The following TMEM135 variants were observed in gnomAD, a reference collection of about 807,000 sequenced individuals.
TMEM135 encodes the protein peroxisomal membrane protein 52.
TMEM135 carries 30 observed loss-of-function variants against 60.3 expected under a neutral mutation model. The ratio of observed to expected loss-of-function variants is 0.50; its 90% CI spans 0.37 to 0.68. The LOEUF is 0.68. Ranked by LOEUF, TMEM135 falls within the 30% of genes least tolerant of loss-of-function variation. TMEM135 has a pLI of 0.00. For missense variants in TMEM135, 468 were observed against 548.8 expected (o/e 0.85, Z 1.47); for synonymous variants, 190 against 186.7 (o/e 1.02, Z -0.14).
intron 6 of TMEM135, among the ~76,000 whole-genome samples, chr11:87,237,517 T>C (rs746253495): frequency 2.0e-5 from 3 of 152,014 alleles, no homozygotes; most frequent in Non-Finnish European, 4.4e-5. Flanking sequence ...ATATATTTGG[T>C]AGATATATTT....
At chr11:87,209,316 G>T (rs1940308603) in intron 5 of TMEM135, among the ~76,000 whole-genome samples, 1 of 152,156 alleles carries the variant, frequency 6.6e-6, no homozygotes, top group African/African-American at 2.4e-5. Context: ...CATATCACAA[G>T]TAATGACAGC....
chr11:87,189,933 G>T (rs537137), intron 5 of TMEM135, among the ~76,000 whole-genome samples: 19,656 of 151,746 alleles, frequency 0.13, 1,337 homozygotes, highest in Non-Finnish European at 0.15. Context: ...ATGAATGAAT[G>T]AATGAATAAA....
intron 3 of TMEM135, among the ~76,000 whole-genome samples, chr11:87,089,700 T>C (rs1406832854): frequency 6.6e-6 from 1 of 152,218 alleles, no homozygotes; most frequent in Non-Finnish European, 1.5e-5. Context: ...AACTTTTCTT[T>C]CTTCAGTGTA....
intron 4 of TMEM135, among the ~76,000 whole-genome samples, chr11:87,152,021 C>G (rs183830804): frequency 6.6e-6 from 1 of 152,162 alleles, no homozygotes; most frequent in Non-Finnish European, 1.5e-5. Flanking sequence ...CCTTTTTAGA[C>G]TGCTTTGCAG....
intron 6 of TMEM135, among the ~76,000 whole-genome samples, chr11:87,287,176 A>T (rs1042568338): frequency 3.9e-5 from 6 of 152,216 alleles, no homozygotes; most frequent in Non-Finnish European, 5.9e-5. Flanking sequence ...TTAGAGCTGA[A>T]CTCATGAAGT....
chr11:87,170,288 C>A (rs1020048301), intron 5 of TMEM135, among the ~76,000 whole-genome samples: 1 of 151,394 alleles, frequency 6.6e-6, no homozygotes, highest in African/African-American at 2.4e-5. Context: ...CTATTTCTGT[C>A]ATTCCTCAAA....
chr11:87,208,600 A>G (rs1416888513), intron 5 of TMEM135, among the ~76,000 whole-genome samples: 1 of 152,244 alleles, frequency 6.6e-6, no homozygotes, highest in African/African-American at 2.4e-5. Flanking sequence ...CATTCCAAAA[A>G]GAGAAGTAGA....
At chr11:87,256,703 C>G (rs1941534443) in intron 6 of TMEM135, among the ~76,000 whole-genome samples, 2 of 152,070 alleles carry the variant, frequency 1.3e-5, no homozygotes. Context: ...GAAAAATGAG[C>G]AAATATGATT....
At chr11:87,200,463 A>T (rs941953133) in intron 5 of TMEM135, among the ~76,000 whole-genome samples, 1 of 152,138 alleles carries the variant, frequency 6.6e-6, no homozygotes. Context: ...TTAGGTACAC[A>T]GCAAAATTAG....
chr11:87,082,312 C>T (rs1857008366), intron 3 of TMEM135, among the ~76,000 whole-genome samples: 1 of 152,082 alleles, frequency 6.6e-6, no homozygotes, highest in South Asian at 2.1e-4. Context: ...AAAAAGTATT[C>T]TTGACTTACC....
intron 5 of TMEM135, among the ~76,000 whole-genome samples, chr11:87,236,060 C>G (rs1408241574): frequency 6.6e-6 from 1 of 151,896 alleles, no homozygotes; most frequent in Non-Finnish European, 1.5e-5. Flanking sequence ...ACTGATTATA[C>G]AAAAGCTGTT....
intron 3 of TMEM135, among the ~76,000 whole-genome samples, chr11:87,078,822 A>T (rs2135151522): frequency 6.6e-6 from 1 of 150,704 alleles, no homozygotes; most frequent in African/African-American, 2.4e-5. Flanking sequence ...GGGTTTTGCC[A>T]TGTTGTCCAG....
At chr11:87,069,002 C>G (rs11820668) in intron 2 of TMEM135, among the ~76,000 whole-genome samples, 14,903 of 151,510 alleles carry the variant, frequency 0.098, 824 homozygotes, top group East Asian at 0.17. Context: ...ATCATGTGCT[C>G]TCTAGAAAGT....
At chr11:87,160,815 G>T (rs1197300564) in intron 5 of TMEM135, among the ~76,000 whole-genome samples, 1 of 152,126 alleles carries the variant, frequency 6.6e-6, no homozygotes, top group Non-Finnish European at 1.5e-5. Flanking sequence ...CTATGGTGAT[G>T]TTCTTTATAA....
chr11:87,192,561 G>A (rs1371410443), intron 5 of TMEM135, among the ~76,000 whole-genome samples: 2 of 152,102 alleles, frequency 1.3e-5, no homozygotes, highest in Non-Finnish European at 2.9e-5. Context: ...GTAAATATGA[G>A]TGAATGTAAG....
Position 87,169,456 on chromosome 11 carries a change from T to C in TMEM135, c.462+12050T>C, listed in dbSNP as rs193141616. ...GGCTGGTACTGGTTTTTCCTTTCGA[T>C]ATTTAGTGCTTCCTTCAGGAGCTCT... On this transcript the variant is annotated intron_variant, in intron 5 of 14. Transcript: ENST00000305494. Among the ~76,000 whole-genome samples, 141 of 152,052 alleles carry C rather than the reference T, an allele frequency of 9.3e-4. 4 individuals carry two copies. The East Asian group carries it at 0.019, about 21-fold the overall frequency.
chr11:87,062,060 C>T (rs565037783), intron 1 of TMEM135, among the ~76,000 whole-genome samples: 10 of 152,150 alleles, frequency 6.6e-5, no homozygotes, highest in East Asian at 1.9e-4. Flanking sequence ...GGCTGGAGTA[C>T]GGTGGCACAA....
intron 4 of TMEM135, among the ~76,000 whole-genome samples, chr11:87,148,949 A>G (rs547564939): frequency 6.6e-6 from 1 of 152,210 alleles, no homozygotes; most frequent in South Asian, 2.1e-4. Flanking sequence ...TTAAATTCAT[A>G]TTGTGCTGAA....
chr11:87,219,204 T>A (rs1429158282), intron 5 of TMEM135, among the ~76,000 whole-genome samples: 2 of 152,222 alleles, frequency 1.3e-5, no homozygotes, highest in African/African-American at 4.8e-5. Context: ...GAGAATGGTC[T>A]ACAATCATCT....
Sources: gnomAD v4.1 joint callset for allele counts (sites outside exome capture counted in the v4.1 genomes callset) on GRCh38, gnomAD v4.1.1 for gene constraint, MANE v1.5 for transcripts, NCBI Gene and HGNC (gene_info 2026-07-23, HGNC 2026-07-21) for gene names.